NLRP11: variants seen among roughly 807,000 people sequenced by gnomAD.
The protein encoded by NLRP11 is NLR family pyrin domain containing 11.
A neutral mutation model predicts 79.3 loss-of-function variants in NLRP11; 53 were observed. The observed-to-expected ratio is 0.67, with a 90% CI of 0.54 to 0.84. The LOEUF is 0.84. Ranked by LOEUF, NLRP11 falls within the 40% of genes least tolerant of loss-of-function variation. The pLI, the probability that NLRP11 is intolerant of heterozygous loss-of-function variation, is 0.00. For missense variants in NLRP11, 1,264 were observed against 1,255.0 expected, an observed-to-expected ratio of 1.01 and a Z score of -0.11; for synonymous variants, 518 against 462.6, an observed-to-expected ratio of 1.12 and a Z score of -1.54.
At chr19:55,794,566 C>T (rs1978617488) in intron 6 of NLRP11, among the ~76,000 whole-genome samples, 1 of 152,134 alleles carries the variant, frequency 6.6e-6, no homozygotes, top group Non-Finnish European at 1.5e-5. Context: ...CGAGACCATC[C>T]TGGCTGACAC....
At chr19:55,823,598 G>A (rs1035344224) in intron 1 of NLRP11, among the ~76,000 whole-genome samples, 11 of 145,060 alleles carry the variant, frequency 7.6e-5, no homozygotes, top group African/African-American at 1.6e-4. Context: ...ACCAAGGCTC[G>A]AGAACTACGT....
chr19:55,829,821 A>G (rs966433652), intron 1 of NLRP11, among the ~76,000 whole-genome samples: 1 of 152,148 alleles, frequency 6.6e-6, no homozygotes, highest in Middle Eastern at 3.2e-3. Flanking sequence ...TCAAAAGTCA[A>G]TGCTGCCAGC....
In NLRP11 at chr19:55,809,009, C is replaced by G; in HGVS notation, c.1601G>C (p.Arg534Pro). 6.2e-7 allele frequency: 1 copy of G among 1,614,106 alleles called. No individual in the cohort carries two copies. Among genetic ancestry groups the G allele is most frequent in the East Asian group, 2.2e-5 (1 of 44,872 alleles). ...ATGGTGCGTCAACTTTTCCGGGTCA[C>G]GGTCCAAATGTTTCATGTATCCCAC... The change falls in exon 3 of 10, where the codon CGT becomes CCT. Residue 534 changes from arginine (R) to proline (P), a missense_variant. Coordinates refer to ENST00000589093, the Ensembl canonical transcript of NLRP11. This position sits in a 1 kb window ranked among gnomAD's most constrained non-coding sequence, Gnocchi z 4.5.
At chr19:55,787,068 A>G (rs1025838906) in intron 9 of NLRP11, among the ~76,000 whole-genome samples, 1 of 152,232 alleles carries the variant, frequency 6.6e-6, no homozygotes, top group Non-Finnish European at 1.5e-5. Flanking sequence ...AAAATTGGAC[A>G]TGAGTGGGAA....
At chr19:55,790,618 T>TTAAATACTGAA (rs1990178957) in intron 7 of NLRP11, among the ~76,000 whole-genome samples, 1 of 152,228 alleles carries the variant, frequency 6.6e-6, no homozygotes. Flanking sequence ...AGAATGTATA[T>TTAAATACTGAA]TAAATACTGA....
At chr19:55,799,572 A>G (rs1247137005) in intron 5 of NLRP11, among the ~76,000 whole-genome samples, 1 of 152,124 alleles carries the variant, frequency 6.6e-6, no homozygotes, top group African/African-American at 2.4e-5. Context: ...GGGGGCATTG[A>G]GGTAGGGGAG....
chr19:55,804,847 G>C (rs780909441), intron 4 of NLRP11, among the ~76,000 whole-genome samples: 1 of 152,048 alleles, frequency 6.6e-6, no homozygotes, highest in Non-Finnish European at 1.5e-5. Flanking sequence ...GGTGGATCAC[G>C]AGGTCAAGAA....
intron 5 of NLRP11, chr19:55,798,312 G>A (rs1354387353): frequency 1.0e-6 from 1 of 984,754 alleles, no homozygotes; most frequent in Admixed American, 6.2e-5. Context: ...ATTCTATTTG[G>A]AATGAAAGTG....
At chr19:55,835,569 C>T (rs2122971701), upstream of NLRP11, among the ~76,000 whole-genome samples, 1 of 150,580 alleles carries the variant, frequency 6.6e-6, no homozygotes, top group African/African-American at 2.5e-5. Context: ...AGGCCAGGCA[C>T]AGTGGCTCAT....
chr19:55,818,196 G>A (rs1981336315), exon 2 of NLRP11: 1 of 1,597,582 alleles, frequency 6.3e-7, no homozygotes, highest in African/African-American at 1.3e-5. Context: ...AGGGAAGGCA[G>A]ACTTCAGAGA....
intron 8 of NLRP11, 96 bp from the exon 9 acceptor site, chr19:55,789,073 A>T: frequency 1.4e-6 from 2 of 1,470,042 alleles, no homozygotes; most frequent in Non-Finnish European, 1.9e-6. Flanking sequence ...GATCCCTCCA[A>T]GTTTTGGGCA....
At position 55,785,450 on chromosome 19, in the gene NLRP11, CTT is replaced by C. The variant is rs986361273; in HGVS notation, c.*173_*174del. ...TACTTCATATAATCCTTTTAATACT[CTT>C]GAGACAGTGTAGGAATTTGAAGTGG... On this transcript the variant is annotated 3_prime_UTR_variant, in exon 10 of 10. Transcript: ENST00000589093. The C allele has an allele frequency of 1.5e-5, 9 of 613,966 alleles. No homozygotes were observed. The African/African-American group carries it at 1.7e-4, about 12-fold the overall frequency. 38.0% of individuals were successfully genotyped at this position (613,966 alleles called of 1,614,324 possible). A position where few individuals can be genotyped will look rare whatever the true frequency, so the allele number is the denominator to read the frequency against.
At chr19:55,795,977 T>A (rs1978806943) in intron 6 of NLRP11, 103 bp downstream of exon 6, 2 of 1,048,902 alleles carry the variant, frequency 1.9e-6, no homozygotes, top group Admixed American at 4.1e-5. Context: ...TTTCGGCTGC[T>A]TTGCTTTGCT....
chr19:55,814,571 A>C (rs1980904096), intron 2 of NLRP11, among the ~76,000 whole-genome samples: 1 of 124,844 alleles, frequency 8.0e-6, no homozygotes, highest in Non-Finnish European at 1.6e-5. Context: ...TGACAGGATA[A>C]CCATGCAACT....
intron 4 of NLRP11, among the ~76,000 whole-genome samples, chr19:55,803,507 TCAGAG>T (rs567444070): frequency 6.5e-4 from 99 of 152,124 alleles, no homozygotes; most frequent in Non-Finnish European, 1.2e-3. Flanking sequence ...AAAGAAACTA[TCAGAG>T]CAAACAGTCA....
upstream of NLRP11, chr19:55,832,007 C>T (rs1467530949): frequency 6.6e-6 from 1 of 152,294 alleles, no homozygotes; most frequent in Non-Finnish European, 1.5e-5. Flanking sequence ...AGCAAACAAG[C>T]TAGGCAGCGG....
chr19:55,828,093 A>T (rs1982402439), intron 1 of NLRP11, among the ~76,000 whole-genome samples: 1 of 150,218 alleles, frequency 6.7e-6, no homozygotes, highest in Non-Finnish European at 1.5e-5. Context: ...GCCATAAAAA[A>T]TGATGAGTTC....
chr19:55,792,828 G>A (rs1374022501), intron 6 of NLRP11, among the ~76,000 whole-genome samples: 1 of 152,160 alleles, frequency 6.6e-6, no homozygotes, highest in Non-Finnish European at 1.5e-5. Context: ...CTTTGAAAGA[G>A]TTACTTTATT....
chr19:55,807,726 A>C, intron 4 of NLRP11, 127 bp downstream of exon 4: 1 of 596,846 alleles, frequency 1.7e-6, no homozygotes, highest in Non-Finnish European at 2.9e-6. Context: ...AGAAGTACAG[A>C]AGGAGCCTAG....
Sources: gnomAD v4.1 joint callset for allele counts (sites outside exome capture counted in the v4.1 genomes callset) on GRCh38, gnomAD v4.1.1 for gene constraint, Gnocchi (gnomAD v3.1) non-coding constraint, MANE v1.5 for transcripts, NCBI Gene and HGNC (gene_info 2026-07-23, HGNC 2026-07-21) for gene names.